The following SNTG1 variants were observed in gnomAD, a reference collection of about 807,000 sequenced individuals.
SNTG1 encodes the protein gamma-1-syntrophin.
A neutral mutation model predicts 74.7 loss-of-function variants in SNTG1; 39 were observed. The ratio of observed to expected loss-of-function variants is 0.52; its 90% CI spans 0.40 to 0.68. The LOEUF is 0.68. Ranked by LOEUF, SNTG1 falls within the 30% of genes least tolerant of loss-of-function variation. SNTG1 has a pLI of 0.00. For synonymous variants in SNTG1, 254 were observed against 217.1 expected, an observed-to-expected ratio of 1.17 and a Z score of -1.49; for missense variants, 685 against 609.5, an observed-to-expected ratio of 1.12 and a Z score of -1.30.
At chr8:50,615,308 A>G (rs951094429) in intron 13 of SNTG1, among the ~76,000 whole-genome samples, 6 of 152,158 alleles carry the variant, frequency 3.9e-5, no homozygotes, top group Admixed American at 3.9e-4. Context: ...TATTTCTTAG[A>G]AGAAAAAAAG....
chr8:50,288,688 G>A (rs1394192543), intron 2 of SNTG1, among the ~76,000 whole-genome samples: 1 of 151,570 alleles, frequency 6.6e-6, no homozygotes, highest in Non-Finnish European at 1.5e-5. Flanking sequence ...TGTTGATTAA[G>A]GTCATCTGGA....
At position 50,332,807 on chromosome 8, in the gene SNTG1, C is replaced by T. The variant is rs531079226; in HGVS notation, c.-27-61405C>T. On this transcript the variant is annotated intron_variant, in intron 2 of 18. Coordinates refer to ENST00000642720, the MANE Select transcript of SNTG1 (RefSeq NM_018967.5). ...GTGAGCATGTGAGAGTGTTTGAAGA[C>T]CTGGCACTAAATGATTACAATGTCA... 2.0e-5 allele frequency among the ~76,000 whole-genome samples: 3 copies of T among 152,298 alleles called. No homozygotes were observed. In the South Asian group the frequency reaches 6.2e-4, roughly 32 times the overall value.
chr8:49,952,370 G>T (rs867974663), intron 1 of SNTG1, among the ~76,000 whole-genome samples: 2 of 152,162 alleles, frequency 1.3e-5, no homozygotes, highest in Non-Finnish European at 2.9e-5. Context: ...GGTGAGAACC[G>T]AAGAGAGGCA....
chr8:50,616,209 A>G (rs1488225808), intron 13 of SNTG1, among the ~76,000 whole-genome samples: 1 of 152,262 alleles, frequency 6.6e-6, no homozygotes, highest in Non-Finnish European at 1.5e-5. Flanking sequence ...CCCAGATGAC[A>G]TATAAAATTA....
intron 1 of SNTG1, among the ~76,000 whole-genome samples, chr8:50,167,681 C>T (rs1267457982): frequency 1.3e-5 from 2 of 150,856 alleles, no homozygotes; most frequent in Non-Finnish European, 2.9e-5. Flanking sequence ...GACATGGTGG[C>T]ATGCGCCTGT....
intron 2 of SNTG1, among the ~76,000 whole-genome samples, chr8:50,202,212 G>A (rs1260761333): frequency 3.9e-5 from 6 of 151,946 alleles, no homozygotes; most frequent in Admixed American, 1.3e-4. Flanking sequence ...AAATTTGCAT[G>A]TATTAATTTT....
intron 15 of SNTG1, among the ~76,000 whole-genome samples, chr8:50,702,767 G>A (rs1051640917): frequency 4.6e-5 from 7 of 152,118 alleles, no homozygotes; most frequent in South Asian, 2.1e-4. Context: ...ACAGCATAAC[G>A]TACTGCACAG....
chr8:50,564,850 A>G (rs1324894333), intron 12 of SNTG1, among the ~76,000 whole-genome samples: 1 of 152,140 alleles, frequency 6.6e-6, no homozygotes, highest in African/African-American at 2.4e-5. Flanking sequence ...ATATGCTATT[A>G]TTAAAAATGT....
chr8:49,920,343 C>A lies in SNTG1; in HGVS notation c.-103+8112C>A, dbSNP rs572206682. Among the ~76,000 whole-genome samples, 15 of 152,118 alleles carry A rather than the reference C, an allele frequency of 9.9e-5. No individual in the cohort carries two copies. The South Asian group carries it at 3.1e-3, about 32-fold the overall frequency. ...TGATTCTCACAGCAGGACTAGGAAG[C>A]TGACTTTTTCATTCCTGTTTTGCAA... On this transcript the variant is annotated intron_variant, in intron 1 of 18. Transcript: ENST00000642720.
At chr8:50,583,409 A>AT (rs1563609390) in intron 12 of SNTG1, among the ~76,000 whole-genome samples, 11 of 151,792 alleles carry the variant, frequency 7.2e-5, no homozygotes, top group African/African-American at 2.2e-4. Context: ...AAAAAAAAAA[A>AT]AAAAAGAAAG....
chr8:50,597,390 CATATATACATAT>C (rs1563627994), intron 13 of SNTG1, among the ~76,000 whole-genome samples: 1,847 of 136,416 alleles, frequency 0.014, 44 homozygotes, highest in African/African-American at 0.049. Context: ...CACATATATA[CATATATACATAT>C]ATACATATAT....
intron 2 of SNTG1, among the ~76,000 whole-genome samples, chr8:50,270,088 G>C (rs1022826871): frequency 1.3e-5 from 2 of 152,072 alleles, no homozygotes. Context: ...AATCCAGCAT[G>C]AACAAGAATA....
rs1409020427 is a variant in SNTG1, at chr8:50,174,837, ATC to A, written c.-28+2205_-28+2206del. Among the ~76,000 whole-genome samples the A allele has an allele frequency of 4.0e-5, 6 of 150,928 alleles. No individual in the cohort carries two copies. The East Asian group carries it at 1.2e-3, about 30-fold the overall frequency. On this transcript the variant is annotated intron_variant, in intron 2 of 18. Coordinates refer to ENST00000642720, the MANE Select transcript of SNTG1 (RefSeq NM_018967.5). ...TAACTCATCATTTAGCATTAGGTAT[ATC>A]TCGTAATGCTATCCCTCCCCCCTCC... is the stretch of plus-strand genomic sequence containing the variant.
Position 50,003,717 on chromosome 8 carries a change from C to T in SNTG1, c.-103+91486C>T, listed in dbSNP as rs139318515. ...CTTTTTGTTCTCTCAAGAGGATCTG[C>T]TCTCGTATATATTAAAATAATGTGT... On this transcript the variant is annotated intron_variant, in intron 1 of 18. Transcript: ENST00000642720. Among the ~76,000 whole-genome samples the T allele has an allele frequency of 5.4e-4, 82 of 152,168 alleles. 1 individual carries two copies. Among genetic ancestry groups the T allele is most frequent in the African/African-American group, 1.9e-3 (79 of 41,524 alleles).
chr8:49,938,620 TTTCTTTC>T (rs1808385891), intron 1 of SNTG1, among the ~76,000 whole-genome samples: 1 of 124,526 alleles, frequency 8.0e-6, no homozygotes, highest in African/African-American at 4.6e-5. Context: ...TCTTTCTTTC[TTTCTTTC>T]TTTCTTTCTT....
At chr8:50,629,397 G>T (rs1382007705) in intron 13 of SNTG1, among the ~76,000 whole-genome samples, 1 of 151,944 alleles carries the variant, frequency 6.6e-6, no homozygotes, top group African/African-American at 2.4e-5. Flanking sequence ...CAAATGAGAT[G>T]ATTTTTTTCC....
At chr8:50,009,060 T>C (rs892929500) in intron 1 of SNTG1, among the ~76,000 whole-genome samples, 1 of 152,172 alleles carries the variant, frequency 6.6e-6, no homozygotes, top group Non-Finnish European at 1.5e-5. Context: ...ATTTATTTTT[T>C]ATTGAATTTT....
intron 1 of SNTG1, among the ~76,000 whole-genome samples, chr8:49,964,147 T>C (rs1810938761): frequency 6.6e-6 from 1 of 152,208 alleles, no homozygotes; most frequent in African/African-American, 2.4e-5. Context: ...TGTAAAGGTA[T>C]TTTTTAGATG....
intron 1 of SNTG1, among the ~76,000 whole-genome samples, chr8:50,041,281 C>A (rs1818620144): frequency 1.3e-5 from 2 of 152,128 alleles, no homozygotes; most frequent in African/African-American, 4.8e-5. Context: ...GTTCAAATGT[C>A]AATTGCTGTT....
Sources: gnomAD v4.1 joint callset for allele counts (sites outside exome capture counted in the v4.1 genomes callset) on GRCh38, gnomAD v4.1.1 for gene constraint, MANE v1.5 for transcripts, NCBI Gene and HGNC (gene_info 2026-07-23, HGNC 2026-07-21) for gene names.